Variants in GPAM observed in about 807,000 individuals in gnomAD.
The protein encoded by GPAM is glycerol-3-phosphate acyltransferase 1, mitochondrial.
GPAM carries 56 observed loss-of-function variants against 105.0 expected under a neutral mutation model. That is an observed-to-expected ratio of 0.53 (90% confidence interval 0.43 to 0.67). GPAM has a LOEUF of 0.67. GPAM is among the 30% of genes least tolerant of loss of function. The pLI, the probability that GPAM is intolerant of heterozygous loss-of-function variation, is 0.00. For synonymous variants in GPAM, 368 were observed against 354.4 expected, an observed-to-expected ratio of 1.04 and a Z score of -0.43; for missense variants, 855 against 989.8, an observed-to-expected ratio of 0.86 and a Z score of 1.83.
At chr10:112,166,847 G>C (rs117830426) in intron 11 of GPAM, among the ~76,000 whole-genome samples, 48 of 152,296 alleles carry the variant, frequency 3.2e-4, no homozygotes, top group Admixed American at 9.2e-4. Flanking sequence ...GAAAACTTCT[G>C]TGGTTCTTAA....
At chr10:112,164,303 C>T (rs951560121) in intron 13 of GPAM, among the ~76,000 whole-genome samples, 1 of 152,136 alleles carries the variant, frequency 6.6e-6, no homozygotes, top group Non-Finnish European at 1.5e-5. Context: ...TTAAGAACTC[C>T]TATATGAGTC....
At chr10:112,153,812 T>G (rs945019398) in intron 21 of GPAM, 146 bp from the exon 22 acceptor site, 17 of 769,062 alleles carry the variant, frequency 2.2e-5, no homozygotes, top group Admixed American at 1.3e-4. Flanking sequence ...AATGTATGCC[T>G]GGGTGTGTGT....
chr10:112,195,670 T>C (rs773845446), intron 1 of GPAM, among the ~76,000 whole-genome samples: 3 of 152,244 alleles, frequency 2.0e-5, no homozygotes, highest in South Asian at 2.1e-4. Context: ...CTCTCTTAAA[T>C]GGCATTCTTG....
At chr10:112,170,514 C>G (rs774200038) in intron 9 of GPAM, among the ~76,000 whole-genome samples, 3 of 152,076 alleles carry the variant, frequency 2.0e-5, no homozygotes, top group Non-Finnish European at 4.4e-5. Context: ...AATTGAGAAC[C>G]AAATGTGAAG....
the GPAM span, among the ~76,000 whole-genome samples, chr10:112,223,304 G>A: frequency 6.6e-6 from 1 of 152,150 alleles, no homozygotes; most frequent in Non-Finnish European, 1.5e-5. Context: ...GACTCACACT[G>A]TTGAATAGGT....
At chr10:112,156,347 C>A in intron 19 of GPAM, 1 of 396,238 alleles carries the variant, frequency 2.5e-6, no homozygotes, top group South Asian at 2.5e-5. Context: ...ACTTGTGATA[C>A]GCTGTCATCA....
Position 112,181,120 on chromosome 10 carries a change from A to C in GPAM, c.103-525T>G, listed in dbSNP as rs534701309. ...CAAACCTTGCTCTTCTATTCTAAAA[A>C]TGCTTAACTTTGAGCTCAGTTGCTC... is the stretch of plus-strand genomic sequence containing the variant. On this transcript the variant is annotated intron_variant, in intron 3 of 21. Transcript: ENST00000348367. Among the ~76,000 whole-genome samples, 4 of 152,044 alleles carry C rather than the reference A, an allele frequency of 2.6e-5. No homozygotes were observed. In the East Asian group the frequency reaches 7.7e-4, roughly 29 times the overall value.
chr10:112,153,258 AT>A lies in GPAM; in HGVS notation c.*291del. ...CTTAAAAGTTGTACTTAAAATGTCAATCTTTAATAAACTCAAAAATAATTTA... is the reference window on the plus strand; with the variant it reads ...CTTAAAAGTTGTACTTAAAATGTCAACTTTAATAAACTCAAAAATAATTTA... On this transcript the variant is annotated 3_prime_UTR_variant, in exon 22 of 22. Coordinates refer to ENST00000348367, the MANE Select transcript of GPAM (RefSeq NM_001244949.2). 1.6e-6 allele frequency: 2 copies of A among 1,221,512 alleles called. No homozygotes were observed. Among genetic ancestry groups the A allele is most frequent in the East Asian group, 9.0e-5 (2 of 22,306 alleles). The allele number at this position is 1,221,512 out of a possible 1,614,324, so 75.7% of individuals were successfully genotyped here. A position where few individuals can be genotyped will look rare whatever the true frequency, so the allele number is the denominator to read the frequency against.
intron 1 of GPAM, among the ~76,000 whole-genome samples, chr10:112,202,357 G>A (rs564897455): frequency 1.3e-5 from 2 of 152,096 alleles, no homozygotes; most frequent in East Asian, 3.9e-4. Flanking sequence ...TTCTATATAT[G>A]CTATTCTAGA....
At chr10:112,158,560 C>T (rs975091276) in intron 17 of GPAM, among the ~76,000 whole-genome samples, 167 bp from the exon 18 acceptor site, 1 of 152,128 alleles carries the variant, frequency 6.6e-6, no homozygotes, top group Non-Finnish European at 1.5e-5. Context: ...GATACACACA[C>T]GGTCATGGAC....
the GPAM span, among the ~76,000 whole-genome samples, chr10:112,225,433 G>C: frequency 9.8e-5 from 15 of 152,286 alleles, no homozygotes; most frequent in South Asian, 2.7e-3. Flanking sequence ...CCGTGTCTGG[G>C]TGTGACCACC....
At chr10:112,163,866 A>G in intron 13 of GPAM, 50 bp from the exon 14 acceptor site, 1 of 836,380 alleles carries the variant, frequency 1.2e-6, no homozygotes, top group Non-Finnish European at 2.1e-6. Context: ...TTTACAAGGC[A>G]AACCATGTGG....
intron 1 of GPAM, among the ~76,000 whole-genome samples, chr10:112,192,052 G>A (rs1386918018): frequency 6.6e-6 from 1 of 152,288 alleles, no homozygotes; most frequent in East Asian, 1.9e-4. Context: ...AGCCTGAGCC[G>A]ACCCAGGGCC....
chr10:112,181,535 T>A (rs1405984012), intron 3 of GPAM, 148 bp downstream of exon 3: 2 of 657,324 alleles, frequency 3.0e-6, no homozygotes, highest in African/African-American at 1.8e-5. Context: ...TGCCATAAAA[T>A]TTTTTATTAG....
intron 1 of GPAM, among the ~76,000 whole-genome samples, chr10:112,190,338 T>C (rs1440406239): frequency 6.6e-6 from 1 of 151,862 alleles, no homozygotes; most frequent in African/African-American, 2.4e-5. Context: ...ACCCCGTCTC[T>C]ACTAAAAATA....
intron 11 of GPAM, among the ~76,000 whole-genome samples, chr10:112,167,087 AT>A (rs1847231330): frequency 6.6e-6 from 1 of 152,168 alleles, no homozygotes; most frequent in Non-Finnish European, 1.5e-5. Context: ...TGAGTAGGGT[AT>A]ACATCAAGGA....
At chr10:112,166,627 G>A (rs1232135651) in intron 11 of GPAM, 112 bp from the exon 12 acceptor site, 1 of 743,922 alleles carries the variant, frequency 1.3e-6, no homozygotes, top group Non-Finnish European at 2.4e-6. Flanking sequence ...TCATCTTGAA[G>A]AAGAACAATG....
At chr10:112,204,272 T>G (rs1847834355) in intron 1 of GPAM, among the ~76,000 whole-genome samples, 1 of 143,774 alleles carries the variant, frequency 7.0e-6, no homozygotes, top group Non-Finnish European at 1.5e-5. Context: ...TTTTTTTTTT[T>G]GATAGGAAGA....
In GPAM at chr10:112,180,699, C is replaced by G; in HGVS notation, c.103-104G>C. ...TTTTGAACAGAAGAAAAACTTATGG[C>G]ATATTCTGGGTGATTTTCATTTAAG... is the stretch of plus-strand genomic sequence containing the variant. On this transcript the variant is annotated intron_variant, in intron 3 of 21. Coordinates refer to ENST00000348367, the MANE Select transcript of GPAM (RefSeq NM_001244949.2). 6.8e-6 allele frequency: 7 copies of G among 1,036,234 alleles called. No individual in the cohort carries two copies. In the South Asian group the frequency reaches 9.2e-5, roughly 14 times the overall value. 64.2% of individuals were successfully genotyped at this position (1,036,234 alleles called of 1,614,324 possible). A position where few individuals can be genotyped will look rare whatever the true frequency, so the allele number is the denominator to read the frequency against.
Sources: allele counts gnomAD v4.1 joint callset (sites outside exome capture counted in the v4.1 genomes callset), GRCh38; gene constraint gnomAD v4.1.1; transcripts MANE v1.5; gene names NCBI Gene and HGNC (gene_info 2026-07-23, HGNC 2026-07-21).